FER1L5: variants seen among roughly 807,000 people sequenced by gnomAD.
FER1L5 encodes fer-1-like protein 5.
A neutral mutation model predicts 279.9 loss-of-function variants in FER1L5; 187 were observed. That is an observed-to-expected ratio of 0.67 (90% CI 0.59 to 0.75). The LOEUF (loss-of-function observed/expected upper bound fraction) is 0.75, where lower values mean the gene tolerates loss of function less well. FER1L5 is among the 30% of genes least tolerant of loss of function. The probability of loss-of-function intolerance (pLI) is 0.00; values close to 1 mark genes in which losing one functional copy is unlikely to be tolerated. For missense variants in FER1L5, 2,091 were observed against 2,594.4 expected, an observed-to-expected ratio of 0.81 and a Z score of 4.21; for synonymous variants, 921 against 989.7, an observed-to-expected ratio of 0.93 and a Z score of 1.30.
chr2:96,696,103 T>C (rs1222286395), intron 37 of FER1L5, 26 bp downstream of exon 37: 1 of 1,613,254 alleles, frequency 6.2e-7, no homozygotes, highest in African/African-American at 1.3e-5. Context: ...AGGCCCACCT[T>C]CTCCCATACT....
chr2:96,666,899 C>T (rs186928227), intron 14 of FER1L5, among the ~76,000 whole-genome samples: 4 of 152,158 alleles, frequency 2.6e-5, no homozygotes, highest in Admixed American at 6.5e-5. Flanking sequence ...GTGATCCTCC[C>T]ACTTCAGCCT....
Position 96,703,043 on chromosome 2 carries a change from G to A in FER1L5, c.5463G>A (p.Trp1821Ter). 6.2e-7 allele frequency: 1 copy of A among 1,613,562 alleles called. No individual in the cohort carries two copies. Among genetic ancestry groups the A allele is most frequent in the Non-Finnish European group, 8.5e-7 (1 of 1,179,740 alleles). ...CAGCCCGACTTATCATCCAGGTCTG[G>A]GACAATGACATCTTCTCCCCCGACG... is the stretch of plus-strand genomic sequence containing the variant. The part of the protein sequence containing the change: ...KFPARLIIQV[W>*]DNDIFSPDDF... The change falls in exon 49 of 53, where the codon TGG becomes TGA. Residue 1821 changes from tryptophan to a stop codon, truncating the protein, a stop_gained. Transcript: ENST00000624922. LOFTEE classifies it high-confidence loss of function.
At chr2:96,662,993 T>C (rs1167361347) in intron 13 of FER1L5, among the ~76,000 whole-genome samples, 1 of 152,220 alleles carries the variant, frequency 6.6e-6, no homozygotes, top group African/African-American at 2.4e-5. Flanking sequence ...AAAAGTTTAA[T>C]AAGGCCAAGT....
rs1171625262 is a variant in FER1L5, at chr2:96,691,360, G to A, written c.2907+7G>A. The A allele has an allele frequency of 1.9e-6, 3 of 1,547,208 alleles. No individual in the cohort carries two copies. The South Asian group carries it at 3.6e-5, about 18-fold the overall frequency. On this transcript the variant is annotated splice_region_variant and intron_variant, in intron 28 of 52. Transcript: ENST00000624922. This position sits in a 1 kb window ranked among gnomAD's most constrained non-coding sequence, Gnocchi z 6.0. ...CCTCTCCTTCCTGCAGCTGGTGAGG[G>A]GTCGACGGGCGCCCTGGCTGGGACT... is the stretch of plus-strand genomic sequence containing the variant.
chr2:96,689,106 T>G lies in FER1L5; in HGVS notation c.2362-107T>G. On this transcript the variant is annotated intron_variant, in intron 24 of 52. Coordinates refer to ENST00000624922, the MANE Select transcript of FER1L5 (RefSeq NM_001293083.2). This position sits in a 1 kb window ranked among gnomAD's most constrained non-coding sequence, Gnocchi z 4.6. Reference sequence around the variant, plus strand: ...GGCCCTTTCTTGCCTGGCTACCACATTTTTAGGATGCCCCTGCAGCCCAGA... The same window carrying G: ...GGCCCTTTCTTGCCTGGCTACCACAGTTTTAGGATGCCCCTGCAGCCCAGA... 1 of 1,343,396 alleles carries G rather than the reference T, an allele frequency of 7.4e-7. No individual in the cohort carries two copies. Among genetic ancestry groups the G allele is most frequent in the Non-Finnish European group, 1.0e-6 (1 of 1,003,310 alleles). 83.2% of individuals were successfully genotyped at this position (1,343,396 alleles called of 1,614,324 possible).
chr2:96,649,387 G>T (rs1170517909), intron 4 of FER1L5, among the ~76,000 whole-genome samples: 5 of 152,136 alleles, frequency 3.3e-5, no homozygotes, highest in Non-Finnish European at 7.3e-5. Context: ...CCACCATGTG[G>T]CTGCTTTAAT....
chr2:96,695,234 T>TG, intron 34 of FER1L5: 1 of 425,212 alleles, frequency 2.4e-6, no homozygotes, highest in South Asian at 4.0e-5. Context: ...CTGCGGGCTA[T>TG]GGAGGTCAGT....
chr2:96,682,628 T>C (rs530407484), intron 19 of FER1L5, among the ~76,000 whole-genome samples: 3 of 152,354 alleles, frequency 2.0e-5, no homozygotes, highest in African/African-American at 7.2e-5. Context: ...CCAGAGAGGA[T>C]TGGCTTGCTT....
rs775405749 is a variant in FER1L5, at chr2:96,703,502, CCT to C, written c.5692-19_5692-18del. On this transcript the variant is annotated intron_variant, in intron 50 of 52. Coordinates refer to ENST00000624922, the MANE Select transcript of FER1L5 (RefSeq NM_001293083.2). ...TCCTGCTGTCTGCACTCAGCCTCCC[CCT>C]CACCCATGGTGTTCCTAGGGCAAGG... is the stretch of plus-strand genomic sequence containing the variant. 2 of 1,613,616 alleles carry C rather than the reference CCT, an allele frequency of 1.2e-6. No homozygotes were observed. Among genetic ancestry groups the C allele is most frequent in the Non-Finnish European group, 1.7e-6 (2 of 1,179,596 alleles).
rs974756553 is a variant in FER1L5 at position 96,694,630 on chromosome 2, G to C, written c.3741+166G>C. 3 of 524,578 alleles carry C rather than the reference G, an allele frequency of 5.7e-6. No individual in the cohort carries two copies. The East Asian group carries it at 9.4e-5, about 16-fold the overall frequency. The allele number at this position is 524,578 out of a possible 1,614,324, so 32.5% of individuals were successfully genotyped here. ...ACAGGAGAGAAACGAAGAGGTTCTG[G>C]TGTAACACTGGAAATCATTTTACCA... On this transcript the variant is annotated intron_variant, in intron 34 of 52. Transcript: ENST00000624922. The surrounding 1 kb of genome is among the most constrained non-coding windows in gnomAD (Gnocchi z 4.6).
At chr2:96,662,166 T>C (rs775663760) in intron 12 of FER1L5, 49 bp from the exon 13 acceptor site, 1 of 1,536,500 alleles carries the variant, frequency 6.5e-7, no homozygotes, top group Non-Finnish European at 8.8e-7. Context: ...TATTTCCTCC[T>C]CCTGAAAAAT....
intron 19 of FER1L5, among the ~76,000 whole-genome samples, chr2:96,676,395 G>A (rs186836713): frequency 4.5e-4 from 68 of 152,224 alleles, no homozygotes; most frequent in African/African-American, 1.6e-3. Context: ...TCAAACTCCC[G>A]ACCTCAGGTG....
rs1366967606 is a variant in FER1L5, at chr2:96,668,870, G to A, written c.1185-16G>A. Reference sequence around the variant, plus strand: ...CTGGGCCGGGGGCTCAGCCTGAGGAGTGTGTTTCTCTCTAGCCGCAAGAAG... The same window carrying A: ...CTGGGCCGGGGGCTCAGCCTGAGGAATGTGTTTCTCTCTAGCCGCAAGAAG... On this transcript the variant is annotated splice_polypyrimidine_tract_variant and intron_variant, in intron 15 of 52. Transcript: ENST00000624922. The A allele has an allele frequency of 3.9e-6, 6 of 1,551,534 alleles. No individual in the cohort carries two copies. The highest frequency in any genetic ancestry group is 4.4e-6 in the Non-Finnish European group (5 of 1,146,964).
At chr2:96,669,197 C>T in intron 17 of FER1L5, 60 bp downstream of exon 17, 1 of 1,495,268 alleles carries the variant, frequency 6.7e-7, no homozygotes, top group Admixed American at 2.1e-5. Flanking sequence ...ATGTAAAGCA[C>T]TAGGGCCTGG....
intron 24 of FER1L5, among the ~76,000 whole-genome samples, 188 bp downstream of exon 24, chr2:96,688,135 C>T (rs2077003729): frequency 6.6e-6 from 1 of 152,196 alleles, no homozygotes; most frequent in South Asian, 2.1e-4. Flanking sequence ...AGATAGTCTG[C>T]TGGAGGAGGC....
chr2:96,703,383 A>G, intron 50 of FER1L5, 37 bp downstream of exon 50: 1 of 1,598,418 alleles, frequency 6.3e-7, no homozygotes, highest in South Asian at 1.1e-5. Context: ...TAGGGCTGCT[A>G]TGCCACATGT....
chr2:96,646,472 C>G lies in FER1L5; in HGVS notation c.138+19C>G, dbSNP rs2075134289. 1 of 1,551,264 alleles carries G rather than the reference C, an allele frequency of 6.4e-7. No individual in the cohort carries two copies. Among genetic ancestry groups the G allele is most frequent in the South Asian group, 1.2e-5 (1 of 84,048 alleles). On this transcript the variant is annotated intron_variant, in intron 2 of 52. Transcript: ENST00000624922. ...GAATGAGGTAGACAACAGGGCAAGC[C>G]CAGAAGAGGAAATAACAACCCCAAC...
rs1486244562 is a variant in FER1L5 at position 96,642,941 on chromosome 2, C to T, written c.85+20C>T. 6.5e-7 allele frequency: 1 copy of T among 1,544,548 alleles called. No individual in the cohort carries two copies. The highest frequency in any genetic ancestry group is 1.4e-5 in the African/African-American group (1 of 72,816). On this transcript the variant is annotated intron_variant, in intron 1 of 52. Coordinates refer to ENST00000624922, the MANE Select transcript of FER1L5 (RefSeq NM_001293083.2). ...TCAGAGGTGAGAGCCTCCCTGGGTC[C>T]ACATGGGAGAGAGAAGCCCCCAGAG...
At position 96,691,304 on chromosome 2, in the gene FER1L5, A is replaced by T. The variant is rs1450607170; in HGVS notation, c.2858A>T (p.Asn953Ile). 2.6e-6 allele frequency: 4 copies of T among 1,550,530 alleles called. No individual in the cohort carries two copies. The highest frequency in any genetic ancestry group is 3.5e-6 in the Non-Finnish European group (4 of 1,146,820). ...CGCTGGGCGCGTGTGCGCTTCAGGA[A>T]CCATGGGGAGCTGAGCCACGAGCAG... ...RRRWARVRFR[N>I]HGELSHEQET... The change falls in exon 28 of 53, where the codon AAC becomes ATC. Residue 953 changes from asparagine (N) to isoleucine (I), a missense_variant. Asn to Ile is a moderately radical substitution (Grantham distance 149). Coordinates refer to ENST00000624922, the MANE Select transcript of FER1L5 (RefSeq NM_001293083.2). This position sits in a 1 kb window ranked among gnomAD's most constrained non-coding sequence, Gnocchi z 6.0.
Sources: allele counts gnomAD v4.1 joint callset (sites outside exome capture counted in the v4.1 genomes callset), GRCh38; gene constraint gnomAD v4.1.1; non-coding constraint Gnocchi (gnomAD v3.1); transcripts MANE v1.5; gene names NCBI Gene and HGNC (gene_info 2026-07-23, HGNC 2026-07-21).